The following DIS3L2 variants were observed in gnomAD, a reference collection of about 807,000 sequenced individuals.
The protein encoded by DIS3L2 is DIS3-like exonuclease 2.
A neutral mutation model predicts 97.5 loss-of-function variants in DIS3L2; 34 were observed. The observed-to-expected ratio is 0.35, with a 90% confidence interval of 0.27 to 0.46. DIS3L2 has a LOEUF of 0.46. Among genes scored for constraint, DIS3L2 ranks in the 20% least tolerant of loss-of-function variants. The pLI is 1.00. For missense variants in DIS3L2, 1,038 were observed against 1,146.0 expected, an observed-to-expected ratio of 0.91 and a Z score of 1.36; for synonymous variants, 435 against 445.2, an observed-to-expected ratio of 0.98 and a Z score of 0.29.
chr2:232,216,699 T>C (rs1415576869), intron 10 of DIS3L2, among the ~76,000 whole-genome samples: 1 of 152,168 alleles, frequency 6.6e-6, no homozygotes, highest in African/African-American at 2.4e-5. Flanking sequence ...AACTAGGAGA[T>C]GACAGAGAAG....
intron 12 of DIS3L2, 120 bp from the exon 13 acceptor site, chr2:232,263,087 G>A (rs1325260830): frequency 2.3e-5 from 24 of 1,061,218 alleles, no homozygotes; most frequent in African/African-American, 9.5e-5. Context: ...CCACCATTCC[G>A]AGCACACAGT....
downstream of DIS3L2, among the ~76,000 whole-genome samples, chr2:232,341,855 C>T (rs1696107688): frequency 6.6e-6 from 1 of 152,202 alleles, no homozygotes; most frequent in African/African-American, 2.4e-5. Flanking sequence ...GAAGCCCAAG[C>T]AGCTCTGGAG....
At chr2:231,977,635 T>TA (rs1427747542) in intron 1 of DIS3L2, among the ~76,000 whole-genome samples, 1 of 152,194 alleles carries the variant, frequency 6.6e-6, no homozygotes, top group Non-Finnish European at 1.5e-5. Flanking sequence ...TAGGAAGGAA[T>TA]ACATGTGACA....
chr2:232,299,953 C>G (rs1230769512), intron 13 of DIS3L2, 87 bp from the exon 14 acceptor site: 2 of 1,358,960 alleles, frequency 1.5e-6, no homozygotes, highest in African/African-American at 1.4e-5. Context: ...AGTGTGACTT[C>G]GTTTGATTTT....
chr2:232,241,364 A>G (rs996079219), intron 11 of DIS3L2, among the ~76,000 whole-genome samples: 3 of 152,150 alleles, frequency 2.0e-5, no homozygotes, highest in Admixed American at 1.3e-4. Flanking sequence ...TTTCCCATCT[A>G]TAGGGAATGT....
intron 1 of DIS3L2, among the ~76,000 whole-genome samples, chr2:231,971,163 A>G (rs902488442): frequency 2.6e-5 from 4 of 152,168 alleles, no homozygotes; most frequent in Non-Finnish European, 4.4e-5. Flanking sequence ...TTACAGTTAA[A>G]TTACTTATTT....
Position 231,986,679 on chromosome 2 carries a change from TA to T in DIS3L2, c.-94+24915del, listed in dbSNP as rs765339870. The stretch of plus-strand genomic sequence containing the variant: ...AAGCTTTTATTATTATCGCCTCTTT[TA>T]GATGATGAGAGGGACAGAAAGATGA... On this transcript the variant is annotated intron_variant, in intron 1 of 20. Transcript: ENST00000325385. Among the ~76,000 whole-genome samples the T allele has an allele frequency of 1.1e-4, 16 of 152,334 alleles. No homozygotes were observed. The East Asian group carries it at 3.1e-3, about 29-fold the overall frequency.
At chr2:232,188,942 A>G (rs1292266701) in intron 9 of DIS3L2, among the ~76,000 whole-genome samples, 1 of 152,234 alleles carries the variant, frequency 6.6e-6, no homozygotes, top group Non-Finnish European at 1.5e-5. Flanking sequence ...GGATATACAA[A>G]TGGAAAACAA....
At chr2:232,062,583 ACT>A (rs1420469874) in intron 5 of DIS3L2, among the ~76,000 whole-genome samples, 7 of 152,082 alleles carry the variant, frequency 4.6e-5, no homozygotes, top group African/African-American at 1.7e-4. Flanking sequence ...TTCTTTGAAC[ACT>A]TGTTTATTTC....
At chr2:232,278,156 G>A (rs1412384830) in intron 13 of DIS3L2, among the ~76,000 whole-genome samples, 7 of 151,904 alleles carry the variant, frequency 4.6e-5, no homozygotes, top group African/African-American at 1.2e-4. Flanking sequence ...GCTTTGACTC[G>A]CATTTGTTTT....
intron 1 of DIS3L2, among the ~76,000 whole-genome samples, chr2:231,997,232 T>G (rs1693754367): frequency 6.6e-6 from 1 of 152,278 alleles, no homozygotes; most frequent in Non-Finnish European, 1.5e-5. Flanking sequence ...AACTGATTTC[T>G]ATTCCAGAGC....
intron 3 of DIS3L2, among the ~76,000 whole-genome samples, chr2:232,020,905 G>T (rs1694493711): frequency 6.6e-6 from 1 of 152,168 alleles, no homozygotes; most frequent in South Asian, 2.1e-4. Context: ...ATTACTATAA[G>T]AGGAGCGTCT....
At chr2:232,187,147 T>TA (rs1290552698) in intron 9 of DIS3L2, among the ~76,000 whole-genome samples, 5 of 151,808 alleles carry the variant, frequency 3.3e-5, no homozygotes, top group Non-Finnish European at 7.4e-5. Flanking sequence ...ACTAAGCATA[T>TA]AAAAAAAAGC....
intron 9 of DIS3L2, among the ~76,000 whole-genome samples, chr2:232,182,297 A>C (rs541800035): frequency 6.6e-6 from 1 of 152,294 alleles, no homozygotes; most frequent in Non-Finnish European, 1.5e-5. Context: ...CAGAGAACAT[A>C]CTTTGCATGA....
chr2:232,282,607 G>A (rs534786915), intron 13 of DIS3L2, among the ~76,000 whole-genome samples: 1 of 152,280 alleles, frequency 6.6e-6, no homozygotes, highest in African/African-American at 2.4e-5. Context: ...TGACCTCGTG[G>A]GCAGTTCAGG....
chr2:232,098,021 G>A (rs191778893), intron 6 of DIS3L2, among the ~76,000 whole-genome samples: 1 of 152,196 alleles, frequency 6.6e-6, no homozygotes, highest in Non-Finnish European at 1.5e-5. Context: ...TTCTCTTTGG[G>A]CGTAGGGTGT....
intron 8 of DIS3L2, among the ~76,000 whole-genome samples, chr2:232,155,017 C>T (rs917811658): frequency 6.7e-6 from 1 of 149,016 alleles, no homozygotes; most frequent in South Asian, 2.2e-4. Context: ...ACTCCCTGAC[C>T]CCTTGCGCTT....
At chr2:231,988,439 G>C (rs1693482515) in intron 1 of DIS3L2, among the ~76,000 whole-genome samples, 1 of 152,204 alleles carries the variant, frequency 6.6e-6, no homozygotes, top group African/African-American at 2.4e-5. Context: ...TTGACTTAGA[G>C]GTCATCAAGC....
chr2:232,327,188 C>T (rs1289583225), intron 14 of DIS3L2, among the ~76,000 whole-genome samples: 2 of 152,228 alleles, frequency 1.3e-5, no homozygotes, highest in African/African-American at 4.8e-5. Context: ...AACCAGGGGC[C>T]ACCTCACACA....
Sources: gnomAD v4.1 joint callset for allele counts (sites outside exome capture counted in the v4.1 genomes callset) on GRCh38, gnomAD v4.1.1 for gene constraint, MANE v1.5 for transcripts, NCBI Gene and HGNC (gene_info 2026-07-23, HGNC 2026-07-21) for gene names.